Variants in LRRC4C observed in about 807,000 individuals in gnomAD.
LRRC4C encodes leucine-rich repeat-containing protein 4C.
A neutral mutation model predicts 33.6 loss-of-function variants in LRRC4C; 5 were observed. That is an observed-to-expected ratio of 0.15 (90% CI 0.08 to 0.31). The LOEUF (loss-of-function observed/expected upper bound fraction) is 0.31. LRRC4C is among the 10% of genes least tolerant of loss of function. LRRC4C has a pLI of 1.00. For synonymous variants in LRRC4C, 329 were observed against 302.0 expected (o/e 1.09, Z -0.93); for missense variants, 560 against 796.7 (o/e 0.70, Z 3.58).
chr11:41,044,914 G>A (rs1410434609), intron 1 of LRRC4C, among the ~76,000 whole-genome samples: 1 of 152,094 alleles, frequency 6.6e-6, no homozygotes, highest in Non-Finnish European at 1.5e-5. Flanking sequence ...CCAGGGATAA[G>A]TAGGGCAAAA....
At chr11:40,485,535 G>T (rs892440216) in intron 3 of LRRC4C, among the ~76,000 whole-genome samples, 1 of 151,918 alleles carries the variant, frequency 6.6e-6, no homozygotes, top group Non-Finnish European at 1.5e-5. Context: ...GAAAAAGATG[G>T]ATGCTAAAAC....
intron 4 of LRRC4C, among the ~76,000 whole-genome samples, chr11:40,253,710 T>C (rs991588250): frequency 6.6e-6 from 1 of 152,166 alleles, no homozygotes; most frequent in African/African-American, 2.4e-5. Flanking sequence ...ACAGATTACC[T>C]TGGATCCAAA....
Position 41,012,932 on chromosome 11 carries a change from AT to A in LRRC4C, c.-495-79210del, listed in dbSNP as rs575559452. ...GACCTTTTGCCCATTTTAAAATCAG[AT>A]TTTTTTTCCTATTGAGTTTGAGCTC... On this transcript the variant is annotated intron_variant, in intron 1 of 6. Transcript: ENST00000528697. 6.6e-5 allele frequency among the ~76,000 whole-genome samples: 10 copies of A among 152,002 alleles called. No homozygotes were observed. The East Asian group carries it at 1.9e-3, about 29-fold the overall frequency.
At chr11:41,373,015 C>T (rs981387009) in intron 1 of LRRC4C, among the ~76,000 whole-genome samples, 2 of 152,044 alleles carry the variant, frequency 1.3e-5, no homozygotes, top group Non-Finnish European at 2.9e-5. Context: ...CATTTTTGTA[C>T]AGCTATGACT....
chr11:40,418,978 G>A (rs190793101), intron 3 of LRRC4C, among the ~76,000 whole-genome samples: 7 of 152,094 alleles, frequency 4.6e-5, no homozygotes, highest in Non-Finnish European at 8.8e-5. Flanking sequence ...TGGTGGTCGG[G>A]GGATAGGGGG....
At chr11:41,398,849 T>G (rs141355573) in intron 1 of LRRC4C, among the ~76,000 whole-genome samples, 3 of 152,018 alleles carry the variant, frequency 2.0e-5, no homozygotes, top group African/African-American at 7.2e-5. Flanking sequence ...GATATCATGA[T>G]AGCTCTATAG....
At chr11:40,365,152 G>A (rs1008486359) in intron 3 of LRRC4C, among the ~76,000 whole-genome samples, 38 of 151,518 alleles carry the variant, frequency 2.5e-4, no homozygotes, top group African/African-American at 9.2e-4. Flanking sequence ...AAGATATGGG[G>A]AAACTTAAAA....
chr11:41,008,604 G>A (rs1322123748), intron 1 of LRRC4C, among the ~76,000 whole-genome samples: 2 of 152,088 alleles, frequency 1.3e-5, no homozygotes, highest in Non-Finnish European at 2.9e-5. Context: ...TTTGTGATGA[G>A]TTTGAGTGGT....
chr11:41,424,881 A>G (rs956743290), intron 1 of LRRC4C, among the ~76,000 whole-genome samples: 9 of 152,116 alleles, frequency 5.9e-5, no homozygotes, highest in African/African-American at 2.2e-4. Flanking sequence ...TAGTAGCTGA[A>G]TACAATAGGT....
At chr11:41,353,972 A>G (rs1305618951) in intron 1 of LRRC4C, among the ~76,000 whole-genome samples, 1 of 152,146 alleles carries the variant, frequency 6.6e-6, no homozygotes, top group Non-Finnish European at 1.5e-5. Flanking sequence ...AAAAAAGACA[A>G]GGATGCCCAC....
chr11:41,409,641 G>A (rs1219432910), intron 1 of LRRC4C, among the ~76,000 whole-genome samples: 1 of 152,080 alleles, frequency 6.6e-6, no homozygotes, highest in Non-Finnish European at 1.5e-5. Context: ...GGGCTTTAAT[G>A]GGAGTAAGAA....
intron 1 of LRRC4C, among the ~76,000 whole-genome samples, chr11:41,289,365 G>T (rs1397248120): frequency 1.3e-5 from 2 of 152,090 alleles, no homozygotes; most frequent in Admixed American, 1.3e-4. Flanking sequence ...TTTAAAGAAT[G>T]GTTCTATGGA....
At chr11:40,626,490 C>G (rs1962943076) in intron 3 of LRRC4C, among the ~76,000 whole-genome samples, 1 of 152,110 alleles carries the variant, frequency 6.6e-6, no homozygotes, top group Admixed American at 6.5e-5. Flanking sequence ...CTTCACATAG[C>G]ACAGACTTTC....
chr11:41,052,636 T>C (rs1248917468), intron 1 of LRRC4C, among the ~76,000 whole-genome samples: 1 of 152,142 alleles, frequency 6.6e-6, no homozygotes, highest in Non-Finnish European at 1.5e-5. Flanking sequence ...GTCTCTGCTA[T>C]GGTAGTTCTC....
intron 2 of LRRC4C, among the ~76,000 whole-genome samples, chr11:40,685,752 G>T (rs935161591): frequency 1.1e-4 from 16 of 151,824 alleles, no homozygotes; most frequent in African/African-American, 3.6e-4. Context: ...GAACAATTCT[G>T]TACACATAAG....
At position 40,592,825 on chromosome 11, in the gene LRRC4C, A is replaced by G. The variant is rs189740195; in HGVS notation, c.-270+55317T>C. Reference sequence around the variant, plus strand: ...CTTATTACCTGAAAAAACATGAACCAGCTCTACTGGGTGTATCTTGTCTTT... The same window carrying G: ...CTTATTACCTGAAAAAACATGAACCGGCTCTACTGGGTGTATCTTGTCTTT... On this transcript the variant is annotated intron_variant, in intron 3 of 6. Coordinates refer to ENST00000528697, the MANE Select transcript of LRRC4C (RefSeq NM_001258419.2). Among the ~76,000 whole-genome samples the G allele has an allele frequency of 1.5e-3, 230 of 152,292 alleles. 1 individual carries two copies. Among genetic ancestry groups the G allele is most frequent in the African/African-American group, 5.3e-3 (221 of 41,556 alleles).
intron 1 of LRRC4C, among the ~76,000 whole-genome samples, chr11:41,223,997 T>G (rs1482529316): frequency 1.3e-5 from 2 of 152,176 alleles, no homozygotes; most frequent in Non-Finnish European, 1.5e-5. Context: ...CAATGGAAAA[T>G]TATACTCTGT....
chr11:41,142,136 T>C (rs1565421326), intron 1 of LRRC4C, among the ~76,000 whole-genome samples: 2 of 152,158 alleles, frequency 1.3e-5, no homozygotes, highest in East Asian at 3.9e-4. Context: ...TATATATATA[T>C]AACAGGTATT....
chr11:40,385,368 T>G (rs1949063834), intron 3 of LRRC4C, among the ~76,000 whole-genome samples: 1 of 152,194 alleles, frequency 6.6e-6, no homozygotes, highest in African/African-American at 2.4e-5. Context: ...CTCATTCAAG[T>G]TTTTGAGTTC....
Sources: gnomAD v4.1 joint callset for allele counts (sites outside exome capture counted in the v4.1 genomes callset) on GRCh38, gnomAD v4.1.1 for gene constraint, MANE v1.5 for transcripts, NCBI Gene and HGNC (gene_info 2026-07-23, HGNC 2026-07-21) for gene names.